The following ROCK2 variants were observed in gnomAD, a reference collection of about 807,000 sequenced individuals.
ROCK2 encodes Rho associated coiled-coil containing protein kinase 2.
A neutral mutation model predicts 195.1 loss-of-function variants in ROCK2; 61 were observed. That is an observed-to-expected ratio of 0.31 (90% CI 0.25 to 0.39). The LOEUF (loss-of-function observed/expected upper bound fraction) is 0.39. Among genes scored for constraint, ROCK2 ranks in the 10% least tolerant of loss-of-function variants. ROCK2 has a pLI of 1.00. For missense variants in ROCK2, 1,109 were observed against 1,637.4 expected, an observed-to-expected ratio of 0.68 and a Z score of 5.57; for synonymous variants, 504 against 545.5, an observed-to-expected ratio of 0.92 and a Z score of 1.06.
chr2:11,332,524 CA>C (rs1322420235), intron 1 of ROCK2, among the ~76,000 whole-genome samples: 1 of 152,192 alleles, frequency 6.6e-6, no homozygotes, highest in Non-Finnish European at 1.5e-5. Context: ...GCACATAAAA[CA>C]GTGGCCAACA....
chr2:11,288,021 CTT>C (rs945256888), intron 1 of ROCK2, among the ~76,000 whole-genome samples: 1 of 152,158 alleles, frequency 6.6e-6, no homozygotes, highest in Non-Finnish European at 1.5e-5. Context: ...CAGATGTCTT[CTT>C]TTCTCTCTTC....
intron 1 of ROCK2, among the ~76,000 whole-genome samples, chr2:11,296,001 GA>G (rs1230735697): frequency 7.0e-4 from 16 of 22,948 alleles, no homozygotes; most frequent in African/African-American, 1.7e-3. Flanking sequence ...GAGAGAGAGA[GA>G]GAGGAGAGAG....
intron 1 of ROCK2, among the ~76,000 whole-genome samples, chr2:11,288,021 C>A (rs1386163406): frequency 6.6e-6 from 1 of 152,158 alleles, no homozygotes; most frequent in Non-Finnish European, 1.5e-5. Context: ...CAGATGTCTT[C>A]TTTTCTCTCT....
chr2:11,192,741 T>C lies in ROCK2; in HGVS notation c.3688-29A>G, dbSNP rs2148031044. 5.1e-6 allele frequency: 8 copies of C among 1,578,852 alleles called. No individual in the cohort carries two copies. The highest frequency in any genetic ancestry group is 6.9e-6 in the Non-Finnish European group (8 of 1,163,606). The stretch of plus-strand genomic sequence containing the variant: ...TGAATGCCAAAAGAACAATAAGTGA[T>C]TTCCAAACATGCTATTTTTTTATGT... On this transcript the variant is annotated intron_variant, in intron 30 of 32. Transcript: ENST00000315872. This position sits in a 1 kb window ranked among gnomAD's most constrained non-coding sequence, Gnocchi z 5.0.
chr2:11,202,646 T>C (rs1174285914), intron 20 of ROCK2, among the ~76,000 whole-genome samples: 14 of 151,882 alleles, frequency 9.2e-5, no homozygotes, highest in Admixed American at 2.0e-4. Context: ...TACAGGCGCC[T>C]GCCACCACAC....
In ROCK2 at chr2:11,185,677, C is replaced by T. The variant is rs187130886; in HGVS notation, c.4164-2237G>A. On this transcript the variant is annotated intron_variant, in intron 32 of 32. Transcript: ENST00000315872. Reference sequence around the variant, plus strand: ...CCAGGAGGCGGAAGTTGTAGTGAGCCGAGATCGTGCCATTGCACTCCAGCC... The same window carrying T: ...CCAGGAGGCGGAAGTTGTAGTGAGCTGAGATCGTGCCATTGCACTCCAGCC... Among the ~76,000 whole-genome samples, 54 of 152,042 alleles carry T rather than the reference C, an allele frequency of 3.6e-4. No homozygotes were observed. The East Asian group carries it at 6.0e-3, about 17-fold the overall frequency.
intron 6 of ROCK2, among the ~76,000 whole-genome samples, chr2:11,225,947 A>G (rs1664797129): frequency 6.6e-6 from 1 of 152,194 alleles, no homozygotes; most frequent in Non-Finnish European, 1.5e-5. Flanking sequence ...ATGCCACAAA[A>G]AAGTTCAAGA....
chr2:11,195,303 C>A (rs1663588030), intron 27 of ROCK2: 5 of 162,812 alleles, frequency 3.1e-5, no homozygotes, highest in Non-Finnish European at 4.8e-5. Flanking sequence ...TTATAAAATT[C>A]AGGAGAAAAG....
chr2:11,299,767 G>C (rs891679019), intron 1 of ROCK2, among the ~76,000 whole-genome samples: 4 of 152,196 alleles, frequency 2.6e-5, no homozygotes, highest in African/African-American at 9.6e-5. Flanking sequence ...AGAACGAGTA[G>C]CCAACCTAAT....
chr2:11,318,695 G>A (rs2148244355), intron 1 of ROCK2, among the ~76,000 whole-genome samples: 1 of 152,272 alleles, frequency 6.6e-6, no homozygotes, highest in African/African-American at 2.4e-5. Flanking sequence ...CTCCTGAATG[G>A]TATTGCCTAG....
intron 5 of ROCK2, among the ~76,000 whole-genome samples, chr2:11,232,436 T>C (rs937718657): frequency 6.6e-6 from 1 of 152,220 alleles, no homozygotes; most frequent in Non-Finnish European, 1.5e-5. Context: ...GCCAAAACTA[T>C]GGACATTTCT....
At chr2:11,271,337 G>A (rs1346903565) in intron 3 of ROCK2, among the ~76,000 whole-genome samples, 2 of 152,084 alleles carry the variant, frequency 1.3e-5, no homozygotes, top group Non-Finnish European at 2.9e-5. Context: ...CCTATAACTG[G>A]GTCCCCTGCA....
At chr2:11,198,650 T>A in intron 24 of ROCK2, 31 bp downstream of exon 24, 1 of 1,572,936 alleles carries the variant, frequency 6.4e-7, no homozygotes, top group Non-Finnish European at 8.7e-7. Context: ...ATTAGGTATA[T>A]TAAAAATAAA....
Position 11,202,141 on chromosome 2 carries a change from A to C in ROCK2, c.2550-20T>G. 1.3e-6 allele frequency: 2 copies of C among 1,597,550 alleles called. No homozygotes were observed. Among genetic ancestry groups the C allele is most frequent in the Non-Finnish European group, 1.7e-6 (2 of 1,165,544 alleles). ...CGTTCTCTGTGAGGACAATGAATCA[A>C]AGGTTTAAATAACTTACACATATTT... On this transcript the variant is annotated intron_variant, in intron 20 of 32. Coordinates refer to ENST00000315872, the MANE Select transcript of ROCK2 (RefSeq NM_004850.5).
chr2:11,247,920 G>T (rs529702030), intron 4 of ROCK2, among the ~76,000 whole-genome samples: 2 of 152,236 alleles, frequency 1.3e-5, no homozygotes, highest in Non-Finnish European at 2.9e-5. Flanking sequence ...TACTCGGGAG[G>T]CTGAGGCAGG....
chr2:11,197,728 A>C lies in ROCK2; in HGVS notation c.3100-23T>G. 6.9e-7 allele frequency: 1 copy of C among 1,447,820 alleles called. No individual in the cohort carries two copies. Among genetic ancestry groups the C allele is most frequent in the Non-Finnish European group, 9.2e-7 (1 of 1,085,454 alleles). 89.7% of individuals were successfully genotyped at this position (1,447,820 alleles called of 1,614,324 possible). On this transcript the variant is annotated intron_variant, in intron 25 of 32. Transcript: ENST00000315872. The surrounding 1 kb of genome is among the most constrained non-coding windows in gnomAD (Gnocchi z 4.9). The stretch of plus-strand genomic sequence containing the variant: ...AGCCTTAAAAAATGTAAAAATAAAT[A>C]TAATACATAAATAAAATAAATTACG...
chr2:11,217,524 G>A (rs1471563879), intron 11 of ROCK2, among the ~76,000 whole-genome samples: 1 of 152,084 alleles, frequency 6.6e-6, no homozygotes, highest in African/African-American at 2.4e-5. Flanking sequence ...TGAAAATATT[G>A]TCATTATTTG....
At chr2:11,300,560 G>A (rs944310522) in intron 1 of ROCK2, among the ~76,000 whole-genome samples, 32 of 152,160 alleles carry the variant, frequency 2.1e-4, no homozygotes, top group Middle Eastern at 6.8e-3. Flanking sequence ...CACCACACCC[G>A]GCCAACAACT....
intron 1 of ROCK2, among the ~76,000 whole-genome samples, chr2:11,328,954 T>C (rs1053677620): frequency 6.7e-6 from 1 of 150,278 alleles, no homozygotes; most frequent in African/African-American, 2.4e-5. Context: ...CATTAGGAGA[T>C]ATACCTAATG....
Sources: gnomAD v4.1 joint callset for allele counts (sites outside exome capture counted in the v4.1 genomes callset) on GRCh38, gnomAD v4.1.1 for gene constraint, Gnocchi (gnomAD v3.1) non-coding constraint, MANE v1.5 for transcripts, NCBI Gene and HGNC (gene_info 2026-07-23, HGNC 2026-07-21) for gene names.